Variants in KLB observed in about 807,000 individuals in gnomAD.
KLB encodes beta-klotho.
A neutral mutation model predicts 88.4 loss-of-function variants in KLB; 44 were observed. That is an observed-to-expected ratio of 0.50 (90% CI 0.39 to 0.64). KLB has a LOEUF of 0.64. Among genes scored for constraint, KLB ranks in the 30% least tolerant of loss-of-function variants. The pLI is 0.00. For synonymous variants in KLB, 548 were observed against 513.4 expected (o/e 1.07, Z -0.91); for missense variants, 1,137 against 1,304.8 (o/e 0.87, Z 1.98).
In KLB at chr4:39,434,694, A is replaced by G; in HGVS notation, c.1310A>G (p.Lys437Arg). 2 of 1,613,278 alleles carry G rather than the reference A, an allele frequency of 1.2e-6. No individual in the cohort carries two copies. Among genetic ancestry groups the G allele is most frequent in the Non-Finnish European group, 1.7e-6 (2 of 1,179,650 alleles). ...GACACCACGGCCATCTACATGATGAAGAATTTCCTCAGCCAGGTGCTTCAA... is the reference window on the plus strand; with the variant it reads ...GACACCACGGCCATCTACATGATGAGGAATTTCCTCAGCCAGGTGCTTCAA... ...TEDTTAIYMM[K>R]NFLSQVLQAI... The change falls in exon 2 of 5, where the codon AAG (lysine) becomes AGG (arginine). Residue 437 changes from lysine (K) to arginine (R), a missense_variant. Around this residue, in one of 4 missense-constraint regions of KLB, gnomAD observed 597 missense variants for 765.2 expected, o/e 0.78. Transcript: ENST00000257408.
Position 39,448,935 on chromosome 4 carries a change from T to G in KLB, c.*249T>G. 2.4e-6 allele frequency: 1 copy of G among 413,370 alleles called. No individual in the cohort carries two copies. Among genetic ancestry groups the G allele is most frequent in the Non-Finnish European group, 4.3e-6 (1 of 232,124 alleles). 25.6% of individuals were successfully genotyped at this position (413,370 alleles called of 1,614,324 possible). A position where few individuals can be genotyped will look rare whatever the true frequency, so the allele number is the denominator to read the frequency against. On this transcript the variant is annotated 3_prime_UTR_variant, in exon 5 of 5. Transcript: ENST00000257408. ...AAGCTATGAGGATTACATGCTACAT[T>G]GCTTCTTAAAGTTTCATCAACTGTA...
chr4:39,417,290 T>A (rs1011327682), intron 1 of KLB, among the ~76,000 whole-genome samples: 1 of 151,756 alleles, frequency 6.6e-6, no homozygotes, highest in Non-Finnish European at 1.5e-5. Flanking sequence ...CCCTCCCACA[T>A]CAAAAAAGTG....
chr4:39,433,046 A>C (rs1743396731), intron 1 of KLB, among the ~76,000 whole-genome samples: 2 of 151,984 alleles, frequency 1.3e-5, no homozygotes, highest in Admixed American at 6.6e-5. Context: ...TGCCCAACTA[A>C]GTTTTGTATT....
chr4:39,435,646 G>A (rs983966113), intron 2 of KLB, among the ~76,000 whole-genome samples: 6 of 151,000 alleles, frequency 4.0e-5, no homozygotes, highest in South Asian at 4.2e-4. Flanking sequence ...GGTTGGTCTC[G>A]AACTCCTGAC....
Position 39,446,812 on chromosome 4 carries a change from C to T in KLB, c.2086C>T (p.Arg696Trp). Residue 696 changes from arginine to tryptophan, a missense_variant, in exon 4 of 5, where the codon CGG becomes TGG. Physicochemically the swap from Arg to Trp is moderately radical, Grantham distance 101 (BLOSUM62 -3). Transcript: ENST00000257408. The surrounding 1 kb of genome is among the most constrained non-coding windows in gnomAD (Gnocchi z 6.4). ...KLWITINEPN[R>W]LSDIYNRSGN... The stretch of plus-strand genomic sequence containing the variant: ...CTGGATCACCATCAACGAGCCTAAC[C>T]GGCTAAGTGACATCTACAACCGCTC... 1.2e-6 allele frequency: 2 copies of T among 1,612,998 alleles called. No homozygotes were observed. Among genetic ancestry groups the T allele is most frequent in the Non-Finnish European group, 1.7e-6 (2 of 1,179,874 alleles).
chr4:39,423,123 G>C (rs571321416), intron 1 of KLB, among the ~76,000 whole-genome samples: 10 of 151,968 alleles, frequency 6.6e-5, no homozygotes, highest in Non-Finnish European at 1.5e-4. Flanking sequence ...AGACAATCCA[G>C]CACAGGGGTG....
At chr4:39,418,861 T>C (rs2109824138) in intron 1 of KLB, among the ~76,000 whole-genome samples, 1 of 148,796 alleles carries the variant, frequency 6.7e-6, no homozygotes, top group South Asian at 2.1e-4. Flanking sequence ...GGCAGGAGAA[T>C]CGCTTGAACC....
chr4:39,437,640 G>C, intron 2 of KLB, 87 bp from the exon 3 acceptor site: 2 of 1,434,714 alleles, frequency 1.4e-6, no homozygotes. Flanking sequence ...TTTACAATAT[G>C]CTGTCCTCTG....
chr4:39,431,096 T>G (rs866159274), intron 1 of KLB, among the ~76,000 whole-genome samples: 2 of 148,196 alleles, frequency 1.3e-5, no homozygotes, highest in Non-Finnish European at 3.0e-5. Context: ...TTTGTATTTT[T>G]TTTTTTTTTT....
chr4:39,411,010 A>T (rs1742828399), intron 1 of KLB, among the ~76,000 whole-genome samples: 1 of 152,140 alleles, frequency 6.6e-6, no homozygotes, highest in East Asian at 1.9e-4. Context: ...AATTTTCCAT[A>T]ATCACACCTA....
At chr4:39,434,755 C>T (rs995217883) in intron 2 of KLB, 35 bp downstream of exon 2, 46 of 1,506,434 alleles carry the variant, frequency 3.1e-5, no homozygotes, top group Non-Finnish European at 3.9e-5. Context: ...TTTAAAAATT[C>T]TAAAAACTTA....
At chr4:39,426,337 C>T (rs1342575887) in intron 1 of KLB, among the ~76,000 whole-genome samples, 1 of 139,534 alleles carries the variant, frequency 7.2e-6, no homozygotes, top group Non-Finnish European at 1.5e-5. Context: ...ATGGCTTGAA[C>T]CAGGGAGAAG....
chr4:39,446,885 C>T lies in KLB; in HGVS notation c.2159C>T (p.Ala720Val). 2 of 1,608,222 alleles carry T rather than the reference C, an allele frequency of 1.2e-6. No individual in the cohort carries two copies. Among genetic ancestry groups the T allele is most frequent in the Non-Finnish European group, 1.7e-6 (2 of 1,179,598 alleles). The change falls in exon 4 of 5, where the codon GCC becomes GTC. Residue 720 changes from alanine (A) to valine (V), a missense_variant. Coordinates refer to ENST00000257408, the MANE Select transcript of KLB (RefSeq NM_175737.4). The surrounding 1 kb of genome is among the most constrained non-coding windows in gnomAD (Gnocchi z 6.4). ...GCGCACAACCTGCTGGTGGCCCACG[C>T]CCTGGCCTGGCGCCTCTACGACCGG... ...GAAHNLLVAH[A>V]LAWRLYDRQF...
chr4:39,444,717 T>A (rs6854452), intron 3 of KLB, among the ~76,000 whole-genome samples: 44,117 of 152,156 alleles, frequency 0.29, 7,063 homozygotes, highest in South Asian at 0.44. Context: ...ACCATGATGT[T>A]CTGAGTTTTC....
Position 39,446,672 on chromosome 4 carries a change from T to G in KLB, c.1946T>G (p.Leu649Arg). ...VTLYYPTHAH[L>R]GLPEPLLHAD... is the part of the protein sequence containing the mutation. Reference sequence around the variant, plus strand: ...CTGTATTATCCGACCCACGCCCACCTAGGCCTCCCCGAGCCTCTGTTGCAT... The same window carrying G: ...CTGTATTATCCGACCCACGCCCACCGAGGCCTCCCCGAGCCTCTGTTGCAT... Residue 649 changes from leucine to arginine, a missense_variant, in exon 4 of 5, where the codon CTA becomes CGA. Around this residue, in one of 4 missense-constraint regions of KLB, gnomAD observed 597 missense variants for 765.2 expected, o/e 0.78. Coordinates refer to ENST00000257408, the MANE Select transcript of KLB (RefSeq NM_175737.4). The surrounding 1 kb of genome is among the most constrained non-coding windows in gnomAD (Gnocchi z 6.4). 6.2e-7 allele frequency: 1 copy of G among 1,612,102 alleles called. No individual in the cohort carries two copies. The highest frequency in any genetic ancestry group is 8.5e-7 in the Non-Finnish European group (1 of 1,178,990).
At chr4:39,431,274 A>T (rs1354121629) in intron 1 of KLB, among the ~76,000 whole-genome samples, 1 of 148,054 alleles carries the variant, frequency 6.8e-6, no homozygotes, top group Admixed American at 6.7e-5. Context: ...ACGGAGTTTC[A>T]CTCTTGTTGC....
chr4:39,446,321 G>GT lies in KLB; in HGVS notation c.1606-6dup. On this transcript the variant is annotated splice_polypyrimidine_tract_variant and intron_variant, in intron 3 of 4. Transcript: ENST00000257408. The surrounding 1 kb of genome is among the most constrained non-coding windows in gnomAD (Gnocchi z 6.4). ...GCGCATGCTTGACCTAAATGAGCTTGTTTTTCACAGCCCGAGTCTGTGGCT... is the reference window on the plus strand; with the variant it reads ...GCGCATGCTTGACCTAAATGAGCTTGTTTTTTCACAGCCCGAGTCTGTGGCT... The GT allele has an allele frequency of 6.2e-7, 1 of 1,609,070 alleles. No homozygotes were observed. Among genetic ancestry groups the GT allele is most frequent in the South Asian group, 1.1e-5 (1 of 90,730 alleles).
intron 1 of KLB, among the ~76,000 whole-genome samples, chr4:39,419,629 A>G (rs1743035098): frequency 6.6e-6 from 1 of 151,950 alleles, no homozygotes; most frequent in Non-Finnish European, 1.5e-5. Context: ...AAGAAAAATA[A>G]GCTGGGTATG....
chr4:39,422,402 T>C (rs949223880), intron 1 of KLB, among the ~76,000 whole-genome samples: 7 of 152,128 alleles, frequency 4.6e-5, no homozygotes, highest in Admixed American at 2.0e-4. Context: ...CAAGAGCACA[T>C]AGGGCGATAT....
Sources: allele counts gnomAD v4.1 joint callset (sites outside exome capture counted in the v4.1 genomes callset), GRCh38; gene constraint gnomAD v4.1.1; regional missense constraint gnomAD v4.1.1; non-coding constraint Gnocchi (gnomAD v3.1); transcripts MANE v1.5; gene names NCBI Gene and HGNC (gene_info 2026-07-23, HGNC 2026-07-21).